NUP98: variants seen among roughly 807,000 people sequenced by gnomAD.
NUP98 encodes the protein nuclear pore complex protein Nup98-Nup96.
NUP98 carries 26 observed loss-of-function variants against 191.9 expected under a neutral mutation model. The ratio of observed to expected loss-of-function variants is 0.14; its 90% CI spans 0.10 to 0.19. NUP98 has a LOEUF of 0.19. Ranked by LOEUF, NUP98 falls within the 10% of genes least tolerant of loss-of-function variation. NUP98 has a pLI of 1.00. For missense variants in NUP98, 1,941 were observed against 2,178.8 expected, an observed-to-expected ratio of 0.89 and a Z score of 2.17; for synonymous variants, 808 against 778.4, an observed-to-expected ratio of 1.04 and a Z score of -0.63.
chr11:3,725,129 TG>T lies in NUP98; in HGVS notation c.1820del (p.Pro607HisfsTer14). 6.3e-7 allele frequency: 1 copy of T among 1,581,162 alleles called. No homozygotes were observed. The highest frequency in any genetic ancestry group is 8.7e-7 in the Non-Finnish European group (1 of 1,150,892). ...VNRDSENLAS[P>X]SEYPENGERF... ...TCTCTCCATTTTCTGGATATTCAGA[TG>T]GTGAAGCTAGATTTTCTGAATCACG... On this transcript the variant is annotated frameshift_variant, in exon 15 of 33. Coordinates refer to ENST00000324932, the MANE Select transcript of NUP98 (RefSeq NM_016320.5). LOFTEE classifies it high-confidence loss of function.
At chr11:3,745,935 T>C (rs1348135427) in intron 11 of NUP98, among the ~76,000 whole-genome samples, 1 of 152,098 alleles carries the variant, frequency 6.6e-6, no homozygotes, top group African/African-American at 2.4e-5. Flanking sequence ...TCAGTAAGGA[T>C]GACTACTGAA....
intron 24 of NUP98, 122 bp from the exon 25 acceptor site, chr11:3,699,470 A>C: frequency 9.6e-7 from 1 of 1,043,444 alleles, no homozygotes; most frequent in Admixed American, 2.3e-5. Flanking sequence ...ACAACCACTC[A>C]AGCTGATTAC....
chr11:3,736,192 A>T (rs1176190754), intron 12 of NUP98, among the ~76,000 whole-genome samples: 1 of 152,034 alleles, frequency 6.6e-6, no homozygotes, highest in Non-Finnish European at 1.5e-5. Flanking sequence ...TTGGCCTCCC[A>T]AAATGCCAGG....
intron 7 of NUP98, among the ~76,000 whole-genome samples, chr11:3,771,416 C>G (rs1044496216): frequency 1.3e-5 from 2 of 152,168 alleles, no homozygotes; most frequent in Non-Finnish European, 2.9e-5. Context: ...CCCTTGCCCT[C>G]TCTTCAAATG....
At chr11:3,778,404 T>A (rs2081831835) in intron 4 of NUP98, among the ~76,000 whole-genome samples, 1 of 152,098 alleles carries the variant, frequency 6.6e-6, no homozygotes, top group Admixed American at 6.6e-5. Context: ...ACTAAAAACA[T>A]CTGCCATGGA....
At chr11:3,731,091 C>G (rs1239275504) in intron 14 of NUP98, among the ~76,000 whole-genome samples, 1 of 152,134 alleles carries the variant, frequency 6.6e-6, no homozygotes, top group Non-Finnish European at 1.5e-5. Flanking sequence ...ATTGTGAAAC[C>G]CCATTTCTAC....
intron 1 of NUP98, among the ~76,000 whole-genome samples, chr11:3,785,564 G>A (rs1017321937): frequency 1.3e-5 from 2 of 152,196 alleles, no homozygotes; most frequent in African/African-American, 4.8e-5. Context: ...TTTGAGACCA[G>A]CTTGGCCAAC....
At chr11:3,745,887 A>G (rs2080470347) in intron 11 of NUP98, among the ~76,000 whole-genome samples, 1 of 152,224 alleles carries the variant, frequency 6.6e-6, no homozygotes, top group Non-Finnish European at 1.5e-5. Context: ...TCAAAAAAGA[A>G]CAGAAAGTTT....
chr11:3,769,486 A>AT (rs1355573877), intron 7 of NUP98, among the ~76,000 whole-genome samples: 2 of 149,504 alleles, frequency 1.3e-5, no homozygotes, highest in African/African-American at 4.9e-5. Flanking sequence ...AATGGTGGGA[A>AT]TATTACTTGG....
chr11:3,794,855 C>T (rs949740221), intron 1 of NUP98, among the ~76,000 whole-genome samples: 1 of 152,194 alleles, frequency 6.6e-6, no homozygotes, highest in African/African-American at 2.4e-5. Context: ...CTCAGGAAAT[C>T]CACCTGCCTT....
At chr11:3,784,426 A>C (rs1454747194) in intron 1 of NUP98, among the ~76,000 whole-genome samples, 2 of 152,160 alleles carry the variant, frequency 1.3e-5, no homozygotes. Context: ...CTAGAGGGCC[A>C]CATCAGAATT....
intron 25 of NUP98, among the ~76,000 whole-genome samples, chr11:3,698,724 T>TAA (rs2078587466): frequency 1.9e-5 from 1 of 51,334 alleles, no homozygotes; most frequent in South Asian, 8.2e-4. Context: ...TGAAACTGTC[T>TAA]CAAAAAAAAA....
chr11:3,705,284 G>C lies in NUP98; in HGVS notation c.2998C>G (p.Pro1000Ala). The change falls in exon 22 of 33, where the codon CCT (proline) becomes GCT (alanine). Residue 1000 changes from proline (P) to alanine (A), a missense_variant. Coordinates refer to ENST00000324932, the MANE Select transcript of NUP98 (RefSeq NM_016320.5). ...MALDQRFSRL[P>A]SKADTSQEIC... ...TCTTGAGAAGTATCTGCTTTGGAAG[G>C]CAGGCGACTGAAGCGTTGATCCAGT... is the stretch of plus-strand genomic sequence containing the variant. 6.2e-7 allele frequency: 1 copy of C among 1,614,114 alleles called. No homozygotes were observed. Among genetic ancestry groups the C allele is most frequent in the Non-Finnish European group, 8.5e-7 (1 of 1,179,956 alleles).
intron 1 of NUP98, among the ~76,000 whole-genome samples, chr11:3,790,311 A>G (rs963100712): frequency 2.6e-5 from 4 of 152,184 alleles, no homozygotes; most frequent in African/African-American, 9.7e-5. Context: ...AGACATAAGC[A>G]GAAGCTGCTC....
At position 3,737,696 on chromosome 11, in the gene NUP98, GT is replaced by G. The variant is rs151297062; in HGVS notation, c.1409-2373del. Among the ~76,000 whole-genome samples the G allele has an allele frequency of 4.1e-3, 617 of 152,016 alleles. 2 individuals are homozygous for G. The highest frequency in any genetic ancestry group is 0.014 in the African/African-American group (576 of 41,452). ...AATTAATGAAAAAGAAGAGTCAAAG[GT>G]TTCTTAAAATCGATGTATTCAATAA... On this transcript the variant is annotated intron_variant, in intron 12 of 32. Transcript: ENST00000324932.
intron 29 of NUP98, among the ~76,000 whole-genome samples, chr11:3,684,766 C>CAAAAAAAAAAAAAA (rs71041370): frequency 1.2e-4 from 12 of 101,798 alleles, no homozygotes; most frequent in African/African-American, 2.3e-4. Context: ...TTTCACAGGC[C>CAAAAAAAAAAAAAA]AAAAAAAAAA....
At chr11:3,778,780 A>C in intron 4 of NUP98, 93 bp downstream of exon 4, 1 of 1,307,446 alleles carries the variant, frequency 7.6e-7, no homozygotes, top group South Asian at 1.4e-5. Context: ...TAGGAAAAGA[A>C]GGTAGATGAA....
chr11:3,713,668 A>G, intron 19 of NUP98, 150 bp downstream of exon 19: 2 of 719,942 alleles, frequency 2.8e-6, no homozygotes, highest in Non-Finnish European at 4.4e-6. Context: ...GCAGGGAGCT[A>G]TGATCCCACC....
At chr11:3,751,457 G>A (rs553610655) in intron 11 of NUP98, among the ~76,000 whole-genome samples, 4 of 152,248 alleles carry the variant, frequency 2.6e-5, no homozygotes, top group East Asian at 1.9e-4. Flanking sequence ...GCACAGAAAC[G>A]GGTCTGACAA....
Sources: gnomAD v4.1 joint callset for allele counts (sites outside exome capture counted in the v4.1 genomes callset) on GRCh38, gnomAD v4.1.1 for gene constraint, MANE v1.5 for transcripts, NCBI Gene and HGNC (gene_info 2026-07-23, HGNC 2026-07-21) for gene names.